Variants in TOM1 observed in about 807,000 individuals in gnomAD.
The protein encoded by TOM1 is target of Myb protein 1.
Under a neutral mutation model 61.3 loss-of-function variants are expected in TOM1, and 38 were observed. That is an observed-to-expected ratio of 0.62 (90% confidence interval 0.48 to 0.81). TOM1 has a LOEUF of 0.81. TOM1 is among the 40% of genes least tolerant of loss of function. TOM1 has a pLI of 0.00. For synonymous variants in TOM1, 270 were observed against 268.8 expected (o/e 1.00, Z -0.04); for missense variants, 591 against 659.6 (o/e 0.90, Z 1.14).
In TOM1 at chr22:35,347,638, G is replaced by C. The variant is rs572019153; in HGVS notation, c.*429G>C. The C allele has an allele frequency of 2.5e-5, 4 of 160,084 alleles. No individual in the cohort carries two copies. The highest frequency in any genetic ancestry group is 9.6e-5 in the African/African-American group (4 of 41,618). 9.9% of individuals were successfully genotyped at this position (160,084 alleles called of 1,614,324 possible). Reference sequence around the variant, plus strand: ...GGCTGGCCACAGTGGAAATTCTGCCGAGCCTCTTGTCCCTTCCCTGCTCTG... The same window carrying C: ...GGCTGGCCACAGTGGAAATTCTGCCCAGCCTCTTGTCCCTTCCCTGCTCTG... On this transcript the variant is annotated 3_prime_UTR_variant, in exon 15 of 15. Transcript: ENST00000449058.
upstream of TOM1, chr22:35,299,886 T>G: frequency 6.4e-7 from 1 of 1,563,462 alleles, no homozygotes; most frequent in Non-Finnish European, 8.7e-7. Flanking sequence ...TGGCGGTTGC[T>G]GTCAGCTGAT....
intron 12 of TOM1, among the ~76,000 whole-genome samples, chr22:35,342,001 C>T (rs1184074090): frequency 6.6e-6 from 1 of 152,008 alleles, no homozygotes; most frequent in African/African-American, 2.4e-5. Context: ...CAAAACCAGG[C>T]GCGGTGGCAG....
At chr22:35,306,930 C>T (rs1455125552) in intron 1 of TOM1, among the ~76,000 whole-genome samples, 1 of 152,176 alleles carries the variant, frequency 6.6e-6, no homozygotes, top group East Asian at 1.9e-4. Context: ...AAATTAAGGC[C>T]TTTGCCTTCC....
chr22:35,339,101 C>T (rs1282519191), intron 12 of TOM1, among the ~76,000 whole-genome samples: 6 of 152,084 alleles, frequency 3.9e-5, no homozygotes, highest in South Asian at 2.1e-4. Flanking sequence ...GAGGCTGAGG[C>T]GGGTGGATCA....
intron 8 of TOM1, 123 bp downstream of exon 8, chr22:35,330,603 A>G (rs1928758176): frequency 2.0e-6 from 2 of 999,498 alleles, no homozygotes; most frequent in African/African-American, 3.3e-5. Context: ...AACACAAGGC[A>G]GGCTCCTAAG....
chr22:35,321,773 G>T, intron 2 of TOM1, 186 bp from the exon 3 acceptor site: 1 of 713,766 alleles, frequency 1.4e-6, no homozygotes, highest in Non-Finnish European at 2.6e-6. Context: ...AGGGGCCACA[G>T]GTTGTGAGTC....
At chr22:35,343,517 CTA>C (rs1491347005) in intron 12 of TOM1, among the ~76,000 whole-genome samples, 2 of 142,236 alleles carry the variant, frequency 1.4e-5, no homozygotes, top group East Asian at 4.4e-4. Flanking sequence ...ACTCATACAC[CTA>C]CACACACCAC....
chr22:35,346,843 C>A, intron 13 of TOM1, 87 bp from the exon 14 acceptor site: 1 of 1,296,488 alleles, frequency 7.7e-7, no homozygotes, highest in Non-Finnish European at 1.1e-6. Flanking sequence ...TGAGGTTCAG[C>A]GGGGCCCGAG....
chr22:35,319,926 G>A (rs1050287004), intron 2 of TOM1, among the ~76,000 whole-genome samples: 1 of 152,238 alleles, frequency 6.6e-6, no homozygotes, highest in East Asian at 1.9e-4. Flanking sequence ...TCCCTAGGAA[G>A]CCTTGCCTCT....
At chr22:35,305,433 G>A (rs138753) in intron 1 of TOM1, among the ~76,000 whole-genome samples, 77,264 of 152,014 alleles carry the variant, frequency 0.51, 22,682 homozygotes, top group Non-Finnish European at 0.65. Context: ...AGGCCGAGGC[G>A]GGTGGATCAC....
At chr22:35,305,005 A>T (rs1926190380) in intron 1 of TOM1, among the ~76,000 whole-genome samples, 2 of 152,180 alleles carry the variant, frequency 1.3e-5, no homozygotes, top group African/African-American at 4.8e-5. Flanking sequence ...TGAGCCCTGG[A>T]GGGGAAAAGT....
chr22:35,332,897 CCA>C, intron 8 of TOM1, 82 bp from the exon 9 acceptor site: 1 of 1,394,048 alleles, frequency 7.2e-7, no homozygotes, highest in Non-Finnish European at 1.0e-6. Context: ...ATGTTGAGAC[CCA>C]CAGTTTGAAA....
chr22:35,314,824 G>A (rs897592220), intron 1 of TOM1, among the ~76,000 whole-genome samples: 11 of 152,336 alleles, frequency 7.2e-5, no homozygotes, highest in Non-Finnish European at 4.4e-5. Flanking sequence ...CGGCTGCCCC[G>A]CCCTTACCTC....
chr22:35,312,020 C>T (rs1409759957), intron 1 of TOM1, among the ~76,000 whole-genome samples: 7 of 151,982 alleles, frequency 4.6e-5, no homozygotes, highest in African/African-American at 1.7e-4. Flanking sequence ...TTTGGGAGGC[C>T]GAGGCGGGTG....
At chr22:35,324,373 A>G (rs954790931) in intron 6 of TOM1, among the ~76,000 whole-genome samples, 1 of 131,790 alleles carries the variant, frequency 7.6e-6, no homozygotes, top group Admixed American at 8.9e-5. Flanking sequence ...TGAGCCCAGG[A>G]GTTTGAGACC....
At chr22:35,300,053 G>T in intron 1 of TOM1, 73 bp downstream of exon 1, 7 of 1,523,776 alleles carry the variant, frequency 4.6e-6, no homozygotes, top group Non-Finnish European at 5.3e-6. Flanking sequence ...GGAAGCCTCC[G>T]GGTGCCTAGT....
At chr22:35,303,749 TA>T (rs1926064853) in intron 1 of TOM1, among the ~76,000 whole-genome samples, 1 of 152,118 alleles carries the variant, frequency 6.6e-6, no homozygotes, top group Non-Finnish European at 1.5e-5. Context: ...CCAGCCACCT[TA>T]GCCTCCCAAA....
chr22:35,322,615 A>C (rs1927896990), intron 3 of TOM1: 1 of 197,712 alleles, frequency 5.1e-6, no homozygotes, highest in Admixed American at 5.8e-5. Flanking sequence ...CAATTCCTGC[A>C]GTGGGAAGTG....
At chr22:35,318,226 C>A (rs1927478031) in intron 2 of TOM1, 2 of 550,224 alleles carry the variant, frequency 3.6e-6, no homozygotes, top group African/African-American at 1.9e-5. Context: ...GATCTGGAAG[C>A]CCAGCCTTGT....
Sources: allele counts gnomAD v4.1 joint callset (sites outside exome capture counted in the v4.1 genomes callset), GRCh38; gene constraint gnomAD v4.1.1; transcripts MANE v1.5; gene names NCBI Gene and HGNC (gene_info 2026-07-23, HGNC 2026-07-21).